Variants in MED23 observed in about 807,000 individuals in gnomAD.
MED23 encodes the protein mediator of RNA polymerase II transcription subunit 23.
Under a neutral mutation model 163.9 loss-of-function variants are expected in MED23, and 105 were observed. The ratio of observed to expected loss-of-function variants is 0.64; its 90% confidence interval spans 0.55 to 0.75. MED23 has a LOEUF of 0.75. Ranked by LOEUF, MED23 falls within the 30% of genes least tolerant of loss-of-function variation. The pLI is 0.00. For synonymous variants in MED23, 561 were observed against 565.6 expected (o/e 0.99, Z 0.12); for missense variants, 1,054 against 1,649.0 (o/e 0.64, Z 6.25).
At chr6:131,618,805 C>T (rs546405770) in intron 8 of MED23, among the ~76,000 whole-genome samples, 2 of 152,320 alleles carry the variant, frequency 1.3e-5, no homozygotes, top group Admixed American at 6.5e-5. Context: ...CAGCCTGGCA[C>T]CTGTTTTTGT....
intron 10 of MED23, among the ~76,000 whole-genome samples, 184 bp from the exon 11 acceptor site, chr6:131,610,430 T>C (rs2114700012): frequency 6.6e-6 from 1 of 152,312 alleles, no homozygotes; most frequent in East Asian, 1.9e-4. Context: ...CAGGATAAGC[T>C]TCATGAAAAA....
Position 131,603,113 on chromosome 6 carries a change from C to T in MED23, c.1848G>A (p.Gln616=), listed in dbSNP as rs1030703709. The T allele has an allele frequency of 6.2e-7, 1 of 1,613,766 alleles. No homozygotes were observed. Among genetic ancestry groups the T allele is most frequent in the African/African-American group, 1.3e-5 (1 of 74,878 alleles). ...EMFSYRMHHI[Q]PHYRVQLLSH... is the part of the protein sequence containing the mutation. Reference sequence around the variant, plus strand: ...TCAGGAGCTGAACTCTGTAATGAGGCTGAATATGATGCATCCGGTAGCTAA... The same window carrying T: ...TCAGGAGCTGAACTCTGTAATGAGGTTGAATATGATGCATCCGGTAGCTAA... The change falls in exon 16 of 29, where the codon CAG becomes CAA. Residue 616 remains glutamine, a synonymous_variant. Coordinates refer to ENST00000368068, the MANE Select transcript of MED23 (RefSeq NM_004830.4).
At chr6:131,610,276 C>T (rs774228094) in intron 10 of MED23, 30 bp from the exon 11 acceptor site, 5 of 1,606,776 alleles carry the variant, frequency 3.1e-6, no homozygotes, top group Non-Finnish European at 4.3e-6. Flanking sequence ...TACAGTATTC[C>T]AAAAGCCTCT....
chr6:131,587,596 T>A lies in MED23; in HGVS notation c.*83A>T. 4 of 1,601,216 alleles carry A rather than the reference T, an allele frequency of 2.5e-6. No homozygotes were observed. The highest frequency in any genetic ancestry group is 2.6e-6 in the Non-Finnish European group (3 of 1,173,214). The stretch of plus-strand genomic sequence containing the variant: ...CACTGCTTCTACTATATCACTACAG[T>A]GTGATCGCATTCAGATTTAAAAGGT... On this transcript the variant is annotated 3_prime_UTR_variant, in exon 29 of 29. Coordinates refer to ENST00000368068, the MANE Select transcript of MED23 (RefSeq NM_004830.4).
chr6:131,625,996 C>T (rs1013535776), intron 3 of MED23, among the ~76,000 whole-genome samples: 1 of 151,514 alleles, frequency 6.6e-6, no homozygotes, highest in South Asian at 2.1e-4. Context: ...ATAGCAGGTG[C>T]CTGTAGTCCC....
chr6:131,575,365 C>A lies in MED23; in HGVS notation c.4096-1070G>T, dbSNP rs142407022. Among the ~76,000 whole-genome samples the A allele has an allele frequency of 3.5e-3, 530 of 152,150 alleles. 4 individuals are homozygous for A. Among genetic ancestry groups the A allele is most frequent in the African/African-American group, 0.012 (503 of 41,516 alleles). On this transcript the variant is annotated intron_variant, in intron 30 of 30. Transcript: ENST00000354577. ...GGAAAAGACAAAAACAGACACAAAA[C>A]TAAAGGCAAAACATGAACCAAGCAG...
At chr6:131,608,611 T>G (rs2608911) in intron 11 of MED23, among the ~76,000 whole-genome samples, 53,094 of 151,854 alleles carry the variant, frequency 0.35, 12,593 homozygotes, top group African/African-American at 0.67. Context: ...TTGCCATGTT[T>G]CCCAGGCTGG....
chr6:131,592,489 T>C lies in MED23; in HGVS notation c.3399-29A>G, dbSNP rs1774721223. 5 of 1,598,254 alleles carry C rather than the reference T, an allele frequency of 3.1e-6. No homozygotes were observed. The South Asian group carries it at 4.4e-5, about 14-fold the overall frequency. ...CAACCGGCAAAAAAGAATGTAAGTA[T>C]GAATTTATAAAAACATTTTAGATGG... On this transcript the variant is annotated intron_variant, in intron 24 of 28. Coordinates refer to ENST00000368068, the MANE Select transcript of MED23 (RefSeq NM_004830.4).
chr6:131,594,036 T>A, intron 23 of MED23, 63 bp downstream of exon 23: 2 of 1,376,164 alleles, frequency 1.5e-6, no homozygotes, highest in Non-Finnish European at 2.0e-6. Context: ...AAAGAAAAAA[T>A]ATATTCTCAT....
chr6:131,606,683 A>ATG (rs1380689494), intron 12 of MED23, 59 bp from the exon 13 acceptor site: 1 of 1,395,474 alleles, frequency 7.2e-7, no homozygotes, highest in Admixed American at 1.8e-5. Flanking sequence ...TTAAATAATT[A>ATG]TGTGTATTTT....
At chr6:131,625,348 CT>C (rs1777408630) in intron 3 of MED23, among the ~76,000 whole-genome samples, 1 of 152,106 alleles carries the variant, frequency 6.6e-6, no homozygotes, top group Non-Finnish European at 1.5e-5. Context: ...ATTACTGTCA[CT>C]GGGGGTAAAA....
intron 30 of MED23, among the ~76,000 whole-genome samples, chr6:131,574,482 A>G (rs1773518711): frequency 6.6e-6 from 1 of 152,186 alleles, no homozygotes; most frequent in Non-Finnish European, 1.5e-5. Context: ...ACAGGTTATA[A>G]TAAATATATA....
intron 28 of MED23, 87 bp downstream of exon 28, chr6:131,589,378 A>G: frequency 2.3e-6 from 3 of 1,321,686 alleles, no homozygotes; most frequent in Admixed American, 4.5e-5. Flanking sequence ...AATAAAAATA[A>G]TCACCCAAAC....
At chr6:131,622,499 C>A (rs1436428094) in intron 5 of MED23, among the ~76,000 whole-genome samples, 1 of 152,122 alleles carries the variant, frequency 6.6e-6, no homozygotes, top group African/African-American at 2.4e-5. Context: ...TTCCACATAT[C>A]CAATACCAGT....
chr6:131,574,172 A>G, exon 31 of MED23: 1 of 1,263,264 alleles, frequency 7.9e-7, no homozygotes, highest in East Asian at 2.3e-5. Context: ...ACAAAGAACA[A>G]AATCAAACAA....
chr6:131,627,903 A>T, intron 1 of MED23, 108 bp downstream of exon 1: 1 of 1,419,784 alleles, frequency 7.0e-7, no homozygotes, highest in Non-Finnish European at 9.9e-7. Flanking sequence ...CAAGGGAATA[A>T]AAAGGGAGGC....
At chr6:131,622,012 A>C (rs1313348082) in intron 5 of MED23, 33 bp from the exon 6 acceptor site, 1 of 1,483,922 alleles carries the variant, frequency 6.7e-7, no homozygotes, top group African/African-American at 1.4e-5. Context: ...GGTTAAAATT[A>C]AGTAGTGTCT....
At chr6:131,599,926 A>G (rs1273007394) in intron 18 of MED23, 112 bp downstream of exon 18, 1 of 1,327,964 alleles carries the variant, frequency 7.5e-7, no homozygotes, top group Non-Finnish European at 1.1e-6. Flanking sequence ...ATTTTTTAAA[A>G]TAAATAAAAG....
intron 3 of MED23, 133 bp downstream of exon 3, chr6:131,627,262 AT>A (rs1047925147): frequency 4.0e-6 from 3 of 744,382 alleles, no homozygotes; most frequent in Admixed American, 5.5e-5. Context: ...AGAATAAAAA[AT>A]GATAACAATT....
Sources: gnomAD v4.1 joint callset for allele counts (sites outside exome capture counted in the v4.1 genomes callset) on GRCh38, gnomAD v4.1.1 for gene constraint, MANE v1.5 for transcripts, NCBI Gene and HGNC (gene_info 2026-07-23, HGNC 2026-07-21) for gene names.